Variants in RAB43 observed in about 807,000 individuals in gnomAD.
The protein encoded by RAB43 is ras-related protein Rab-43.
Under a neutral mutation model 18.8 loss-of-function variants are expected in RAB43, and 6 were observed. That is an observed-to-expected ratio of 0.32 (90% CI 0.17 to 0.63). The LOEUF is 0.63. Ranked by LOEUF, RAB43 falls within the 30% of genes least tolerant of loss-of-function variation. RAB43 has a pLI of 0.79. For missense variants in RAB43, 195 were observed against 289.1 expected (o/e 0.67, Z 2.36); for synonymous variants, 103 against 124.1 (o/e 0.83, Z 1.13).
At position 129,107,699 on chromosome 3, in the gene RAB43, C is replaced by T. The variant is rs1167232771; in HGVS notation, c.205-12530G>A. 1.3e-5 allele frequency among the ~76,000 whole-genome samples: 2 copies of T among 152,112 alleles called. No homozygotes were observed. Among genetic ancestry groups the T allele is most frequent in the African/African-American group, 2.4e-5 (1 of 41,414 alleles). On this transcript the variant is annotated intron_variant, in intron 1 of 2. Coordinates refer to ENST00000315150, the MANE Select transcript of RAB43 (RefSeq NM_198490.3). The surrounding 1 kb of genome is among the most constrained non-coding windows in gnomAD (Gnocchi z 4.2). Reference sequence around the variant, plus strand: ...CCCTCACAGCCTCCACAAGAATTCCCGTAAACCCCACACCTCTTTTCCCCA... The same window carrying T: ...CCCTCACAGCCTCCACAAGAATTCCTGTAAACCCCACACCTCTTTTCCCCA...
Position 129,095,154 on chromosome 3 carries a change from T to C in RAB43, c.220A>G (p.Thr74Ala). The C allele has an allele frequency of 6.2e-7, 1 of 1,613,214 alleles. No individual in the cohort carries two copies. Among genetic ancestry groups the C allele is most frequent in the Non-Finnish European group, 8.5e-7 (1 of 1,179,570 alleles). Residue 74 changes from threonine (T) to alanine (A), a missense_variant, in exon 2 of 3, where the codon ACG (threonine) becomes GCG (alanine). Physicochemically the swap from Thr to Ala is moderately conservative, Grantham distance 58 (BLOSUM62 0). Transcript: ENST00000315150. This position sits in a 1 kb window ranked among gnomAD's most constrained non-coding sequence, Gnocchi z 4.2. Reference sequence around the variant, plus strand: ...GTGCGGAACCGCTCCTGGCCGGCCGTGTCCCAGATCTGCAGCTAAAGAAAT... The same window carrying C: ...GTGCGGAACCGCTCCTGGCCGGCCGCGTCCCAGATCTGCAGCTAAAGAAAT... ...GKRVKLQIWDTAGQERFRTIT... is the reference protein window; with the variant it reads ...GKRVKLQIWDAAGQERFRTIT...
chr3:129,109,132 T>C (rs569994844), intron 1 of RAB43, among the ~76,000 whole-genome samples: 4 of 151,698 alleles, frequency 2.6e-5, no homozygotes, highest in South Asian at 2.1e-4. Flanking sequence ...GTCATTTGGC[T>C]GGGTGCGGTG....
At chr3:129,115,510 A>G (rs1019534118) in intron 1 of RAB43, among the ~76,000 whole-genome samples, 10 of 150,952 alleles carry the variant, frequency 6.6e-5, no homozygotes, top group Admixed American at 2.7e-4. Flanking sequence ...GTCTCAAAAA[A>G]TAAAATAAAA....
intron 2 of RAB43, among the ~76,000 whole-genome samples, chr3:129,091,628 C>T (rs1215933689): frequency 6.6e-6 from 1 of 151,140 alleles, no homozygotes; most frequent in African/African-American, 2.4e-5. Context: ...CTCAATTTAC[C>T]CAGATCCTCC....
At chr3:129,111,980 GCT>G (rs1415743349) in intron 1 of RAB43, among the ~76,000 whole-genome samples, 1 of 152,178 alleles carries the variant, frequency 6.6e-6, no homozygotes, top group Non-Finnish European at 1.5e-5. Flanking sequence ...AGGCACGGCA[GCT>G]CACACCTGTA....
intron 1 of RAB43, among the ~76,000 whole-genome samples, chr3:129,117,481 G>A (rs1338584381): frequency 6.6e-6 from 1 of 152,204 alleles, no homozygotes; most frequent in Non-Finnish European, 1.5e-5. Flanking sequence ...CATAGCTACA[G>A]TCAAATGCAT....
chr3:129,100,438 G>A (rs115437914), intron 1 of RAB43, among the ~76,000 whole-genome samples: 2,230 of 152,320 alleles, frequency 0.015, 26 homozygotes, highest in Non-Finnish European at 0.025. Context: ...AGAAGAGGTG[G>A]AAGTGGCTGC....
intron 1 of RAB43, among the ~76,000 whole-genome samples, chr3:129,103,037 C>G (rs1190566410): frequency 2.6e-5 from 4 of 152,222 alleles, no homozygotes; most frequent in Non-Finnish European, 5.9e-5. Context: ...CTCGTCCTTG[C>G]CACTGCCTGC....
chr3:129,120,886 G>T lies in RAB43; in HGVS notation c.204+400C>A, dbSNP rs556329230. Among the ~76,000 whole-genome samples the T allele has an allele frequency of 2.6e-5, 4 of 152,328 alleles. No homozygotes were observed. The East Asian group carries it at 7.7e-4, about 29-fold the overall frequency. On this transcript the variant is annotated intron_variant, in intron 1 of 2. Transcript: ENST00000315150. Reference sequence around the variant, plus strand: ...AGTGCCCCGCCGGTGGGCTGAGCTGGGGGCTGCCATCGCGGTGGATGGAGG... The same window carrying T: ...AGTGCCCCGCCGGTGGGCTGAGCTGTGGGCTGCCATCGCGGTGGATGGAGG...
chr3:129,121,072 C>G (rs1197107404), intron 1 of RAB43, among the ~76,000 whole-genome samples: 5 of 142,334 alleles, frequency 3.5e-5, no homozygotes, highest in South Asian at 2.3e-4. Flanking sequence ...TCCCTCGCCC[C>G]CCCCCCCCCC....
intron 2 of RAB43, among the ~76,000 whole-genome samples, chr3:129,092,232 G>A (rs1327785516): frequency 1.3e-5 from 2 of 152,144 alleles, no homozygotes; most frequent in Non-Finnish European, 1.5e-5. Context: ...ATACAGACTG[G>A]CTATTTTATA....
At chr3:129,096,166 G>A (rs1934037382) in intron 1 of RAB43, among the ~76,000 whole-genome samples, 1 of 152,222 alleles carries the variant, frequency 6.6e-6, no homozygotes, top group South Asian at 2.1e-4. Context: ...TAGTTCTCAA[G>A]GTATGTGAGA....
rs940798253 is a variant in RAB43 at position 129,095,235 on chromosome 3, C to A, written c.205-66G>T. ...CTGAACATGGGGACAGGCAGAGTGA[C>A]CCCACAGACCCACACCCAGAGCTGT... On this transcript the variant is annotated intron_variant, in intron 1 of 2. Coordinates refer to ENST00000315150, the MANE Select transcript of RAB43 (RefSeq NM_198490.3). This position sits in a 1 kb window ranked among gnomAD's most constrained non-coding sequence, Gnocchi z 4.2. 5.8e-6 allele frequency: 9 copies of A among 1,554,876 alleles called. No homozygotes were observed. In the Admixed American group the frequency reaches 1.1e-4, roughly 19 times the overall value.
chr3:129,103,328 A>G (rs1357795193), intron 1 of RAB43, among the ~76,000 whole-genome samples: 1 of 152,104 alleles, frequency 6.6e-6, no homozygotes, highest in Non-Finnish European at 1.5e-5. Context: ...CACACCTCCA[A>G]TTCACCCAGT....
chr3:129,120,572 T>C (rs553144027), intron 1 of RAB43, among the ~76,000 whole-genome samples: 33 of 151,978 alleles, frequency 2.2e-4, no homozygotes, highest in Admixed American at 2.1e-3. Flanking sequence ...TGCCAGGACA[T>C]TGTGGCAACC....
intron 1 of RAB43, among the ~76,000 whole-genome samples, chr3:129,096,995 C>T (rs1395089617): frequency 2.0e-5 from 3 of 152,096 alleles, no homozygotes; most frequent in Admixed American, 6.6e-5. Context: ...CGCCTGTAAT[C>T]CCAGCTACTG....
chr3:129,091,561 A>G (rs1370031223), intron 2 of RAB43, among the ~76,000 whole-genome samples: 5 of 152,184 alleles, frequency 3.3e-5, no homozygotes, highest in Non-Finnish European at 5.9e-5. Flanking sequence ...CTAAGGCAGG[A>G]AGACTGCTTG....
chr3:129,092,116 T>C (rs1576812964), intron 2 of RAB43, among the ~76,000 whole-genome samples: 1 of 151,388 alleles, frequency 6.6e-6, no homozygotes, highest in East Asian at 1.9e-4. Flanking sequence ...GTAACCTTAA[T>C]TGATGTAGCA....
Position 129,101,445 on chromosome 3 carries a change from A to C in RAB43, c.205-6276T>G, listed in dbSNP as rs372440474. On this transcript the variant is annotated intron_variant, in intron 1 of 2. Transcript: ENST00000315150. ...AAACCAGCTCCATCCTAGTAAGAGG[A>C]GACAGAATGTGCCACAGATCCTTTT... is the stretch of plus-strand genomic sequence containing the variant. Among the ~76,000 whole-genome samples the C allele has an allele frequency of 4.5e-4, 69 of 152,312 alleles. 1 individual carries two copies. Among genetic ancestry groups the C allele is most frequent in the African/African-American group, 1.6e-3 (68 of 41,560 alleles).
Sources: allele counts gnomAD v4.1 joint callset (sites outside exome capture counted in the v4.1 genomes callset), GRCh38; gene constraint gnomAD v4.1.1; non-coding constraint Gnocchi (gnomAD v3.1); transcripts MANE v1.5; gene names NCBI Gene and HGNC (gene_info 2026-07-23, HGNC 2026-07-21).